The following FTO variants were observed in gnomAD, a reference collection of about 807,000 sequenced individuals.
FTO encodes the protein alpha-ketoglutarate-dependent dioxygenase FTO.
A neutral mutation model predicts 63.9 loss-of-function variants in FTO; 47 were observed. The ratio of observed to expected loss-of-function variants is 0.74; its 90% CI spans 0.58 to 0.94. The LOEUF is 0.94. FTO is among the 40% of genes least tolerant of loss of function. FTO has a pLI of 0.00. For synonymous variants in FTO, 207 were observed against 224.4 expected, an observed-to-expected ratio of 0.92 and a Z score of 0.69; for missense variants, 562 against 618.1, an observed-to-expected ratio of 0.91 and a Z score of 0.96.
At chr16:53,902,539 C>A (rs1424275455) in intron 7 of FTO, among the ~76,000 whole-genome samples, 1 of 152,184 alleles carries the variant, frequency 6.6e-6, no homozygotes, top group Non-Finnish European at 1.5e-5. Context: ...GGAACTTTTT[C>A]TCTACCCTGT....
In FTO at chr16:53,815,636, G is replaced by GTTTTTTTTTT. The variant is rs556357629; in HGVS notation, c.123+5440_123+5449dup. On this transcript the variant is annotated intron_variant, in intron 2 of 8. Coordinates refer to ENST00000471389, the MANE Select transcript of FTO (RefSeq NM_001080432.3). ...ACCCTATAAGGCCATTGACTTTCTTGTTTTTTTTTTTTTTTTTTTTTTTTT... is the reference window on the plus strand; with the variant it reads ...ACCCTATAAGGCCATTGACTTTCTTGTTTTTTTTTTTTTTTTTTTTTTTTTTTTTTTTTTT... 7.1e-4 allele frequency among the ~76,000 whole-genome samples: 70 copies of GTTTTTTTTTT among 98,142 alleles called. 11 individuals are homozygous for GTTTTTTTTTT. The highest frequency in any genetic ancestry group is 2.7e-3 in the African/African-American group (50 of 18,532). 64.4% of individuals were successfully genotyped at this position (98,142 alleles called of 152,430 possible).
At chr16:53,857,910 G>A (rs1228121499) in intron 4 of FTO, among the ~76,000 whole-genome samples, 1 of 152,018 alleles carries the variant, frequency 6.6e-6, no homozygotes, top group East Asian at 1.9e-4. Flanking sequence ...TTGAAAGTAA[G>A]GGATTAATTT....
chr16:53,881,579 A>G (rs1213184746), intron 6 of FTO, among the ~76,000 whole-genome samples: 2 of 152,192 alleles, frequency 1.3e-5, no homozygotes, highest in South Asian at 2.1e-4. Context: ...CCTGGGAGCA[A>G]GTGTCACTGC....
At chr16:53,734,269 T>A (rs1012011757) in intron 1 of FTO, among the ~76,000 whole-genome samples, 8 of 152,262 alleles carry the variant, frequency 5.3e-5, no homozygotes, top group South Asian at 2.1e-4. Flanking sequence ...TGGTTTTTTT[T>A]ATGAATAAGA....
rs141502036 is a variant in FTO, at chr16:53,847,627, G to A, written c.895+3329G>A. ...TACTAAAAATACAAAAATTAGCCGGGTGTGGTGGTGGATGCCTGTAATCCC... is the reference window on the plus strand; with the variant it reads ...TACTAAAAATACAAAAATTAGCCGGATGTGGTGGTGGATGCCTGTAATCCC... On this transcript the variant is annotated intron_variant, in intron 4 of 8. Coordinates refer to ENST00000471389, the MANE Select transcript of FTO (RefSeq NM_001080432.3). Among the ~76,000 whole-genome samples, 892 of 152,080 alleles carry A rather than the reference G, an allele frequency of 5.9e-3. 7 individuals are homozygous for A. Among genetic ancestry groups the A allele is most frequent in the African/African-American group, 0.021 (858 of 41,460 alleles).
intron 8 of FTO, chr16:53,979,552 T>C: frequency 2.5e-6 from 1 of 395,130 alleles, no homozygotes; most frequent in Non-Finnish European, 4.5e-6. Context: ...TGTGTGTGTG[T>C]GTGTGTGTGT....
intron 8 of FTO, among the ~76,000 whole-genome samples, chr16:53,936,980 AT>A (rs1476845508): frequency 6.6e-6 from 1 of 152,182 alleles, no homozygotes; most frequent in Non-Finnish European, 1.5e-5. Context: ...GTTGTAAAAT[AT>A]TTGTCTGTCT....
intron 8 of FTO, among the ~76,000 whole-genome samples, chr16:54,079,685 G>A (rs961167764): frequency 2.0e-5 from 3 of 152,152 alleles, no homozygotes; most frequent in Admixed American, 6.5e-5. Context: ...AAATAGGAAC[G>A]AAGCAGGCCG....
intron 8 of FTO, among the ~76,000 whole-genome samples, chr16:54,108,592 T>C (rs2086808684): frequency 6.6e-6 from 1 of 152,178 alleles, no homozygotes; most frequent in Non-Finnish European, 1.5e-5. Flanking sequence ...GGCAACTCTC[T>C]CATTGGCATT....
At chr16:53,862,580 G>A (rs1179547201) in intron 4 of FTO, among the ~76,000 whole-genome samples, 2 of 146,470 alleles carry the variant, frequency 1.4e-5, no homozygotes, top group Non-Finnish European at 3.0e-5. Context: ...CTGTCGCCCA[G>A]GCTGGAGTAC....
At chr16:53,983,780 C>T (rs1488443704) in intron 8 of FTO, among the ~76,000 whole-genome samples, 1 of 152,182 alleles carries the variant, frequency 6.6e-6, no homozygotes, top group Non-Finnish European at 1.5e-5. Flanking sequence ...TGCTCCCAGC[C>T]AGCTGCTGCC....
intron 1 of FTO, among the ~76,000 whole-genome samples, chr16:53,733,966 T>C (rs2076330657): frequency 6.6e-6 from 1 of 152,180 alleles, no homozygotes; most frequent in African/African-American, 2.4e-5. Context: ...TTCTACAAAT[T>C]ATGCACACAA....
At chr16:54,004,687 C>T (rs1169024003) in intron 8 of FTO, among the ~76,000 whole-genome samples, 7 of 152,098 alleles carry the variant, frequency 4.6e-5, no homozygotes, top group Non-Finnish European at 1.0e-4. Context: ...TGAGAATTTT[C>T]CCATAGGCCA....
chr16:53,827,287 A>G (rs1388546849), intron 3 of FTO, among the ~76,000 whole-genome samples: 1 of 152,178 alleles, frequency 6.6e-6, no homozygotes, highest in Non-Finnish European at 1.5e-5. Flanking sequence ...GAATAGAATT[A>G]CAAAAATGGT....
chr16:53,710,097 C>A (rs1309447680), intron 1 of FTO, among the ~76,000 whole-genome samples: 1 of 151,946 alleles, frequency 6.6e-6, no homozygotes, highest in Non-Finnish European at 1.5e-5. Flanking sequence ...GGTGTCCTTT[C>A]ATGTCCTTTA....
chr16:54,113,110 T>C lies in FTO; in HGVS notation c.*1195T>C, dbSNP rs550932475. The C allele has an allele frequency of 6.6e-6, 1 of 152,212 alleles. No individual in the cohort carries two copies. The highest frequency in any genetic ancestry group is 1.5e-5 in the Non-Finnish European group (1 of 68,042). The allele number at this position is 152,212 out of a possible 1,614,324, so 9.4% of individuals were successfully genotyped here. On this transcript the variant is annotated 3_prime_UTR_variant, in exon 9 of 9. Transcript: ENST00000471389. ...ACTTAGAACAATTTCCAGCACATAG[T>C]TAAATATCCAGGAAATTCTGGTACT...
At chr16:54,056,117 C>T (rs72809660) in intron 8 of FTO, among the ~76,000 whole-genome samples, 1 of 152,120 alleles carries the variant, frequency 6.6e-6, no homozygotes, top group Non-Finnish European at 1.5e-5. Flanking sequence ...TAGTGCGTAA[C>T]AATAGCATGC....
At chr16:53,734,017 A>C (rs573121938) in intron 1 of FTO, among the ~76,000 whole-genome samples, 1 of 152,364 alleles carries the variant, frequency 6.6e-6, no homozygotes, top group African/African-American at 2.4e-5. Flanking sequence ...GTAGAAATTC[A>C]ACTCTCATTT....
chr16:53,924,605 AG>A (rs1458429646), intron 7 of FTO, among the ~76,000 whole-genome samples: 1 of 121,008 alleles, frequency 8.3e-6, no homozygotes, highest in African/African-American at 3.2e-5. Context: ...TAGACTATGA[AG>A]GGCGGGGGAG....
Sources: allele counts gnomAD v4.1 joint callset (sites outside exome capture counted in the v4.1 genomes callset), GRCh38; gene constraint gnomAD v4.1.1; transcripts MANE v1.5; gene names NCBI Gene and HGNC (gene_info 2026-07-23, HGNC 2026-07-21).